The following SPEG variants were observed in gnomAD, a reference collection of about 807,000 sequenced individuals.
The protein encoded by SPEG is striated muscle enriched protein kinase.
Under a neutral mutation model 300.4 loss-of-function variants are expected in SPEG, and 114 were observed. That is an observed-to-expected ratio of 0.38 (90% CI 0.33 to 0.44). SPEG has a LOEUF of 0.44. Ranked by LOEUF, SPEG falls within the 20% of genes least tolerant of loss-of-function variation. SPEG has a pLI of 1.00. For missense variants in SPEG, 4,201 were observed against 4,586.2 expected (o/e 0.92, Z 2.43); for synonymous variants, 1,964 against 2,018.9 (o/e 0.97, Z 0.73).
In SPEG at chr2:219,448,328, G is replaced by A; in HGVS notation, c.1170G>A (p.Ser390=). The change falls in exon 4 of 41, where the codon TCG becomes TCA. Residue 390 remains serine (S), a synonymous_variant. Coordinates refer to ENST00000312358, the MANE Select transcript of SPEG (RefSeq NM_005876.5). ...ASGRLSALGR[S]PRLVRAGSRI... is the part of the protein sequence containing the mutation. ...GCCGCCTGTCGGCGTTGGGCCGATC[G>A]CCTAGGCTGGTGCGCGCCGGCTCCC... 6.2e-7 allele frequency: 1 copy of A among 1,601,272 alleles called. No homozygotes were observed. Among genetic ancestry groups the A allele is most frequent in the Non-Finnish European group, 8.5e-7 (1 of 1,175,106 alleles).
rs751392507 is a variant in SPEG, at chr2:219,488,610, C to T, written c.7971C>T (p.Cys2657=). Residue 2657 remains cysteine (C), a synonymous_variant, in exon 33 of 41, where the codon TGC becomes TGT. Coordinates refer to ENST00000312358, the MANE Select transcript of SPEG (RefSeq NM_005876.5). Reference sequence around the variant, plus strand: ...AGCGGCACGCCGGTCTCTATGAGTGCTCGGCCACCAACGTACTGGGCAGCA... The same window carrying T: ...AGCGGCACGCCGGTCTCTATGAGTGTTCGGCCACCAACGTACTGGGCAGCA... ...AGKRHAGLYE[C]SATNVLGSIT... 3.7e-6 allele frequency: 6 copies of T among 1,611,916 alleles called. No homozygotes were observed. The African/African-American group carries it at 5.3e-5, about 14-fold the overall frequency.
intron 6 of SPEG, chr2:219,460,445 T>C: frequency 1.0e-6 from 1 of 985,426 alleles, no homozygotes; most frequent in Non-Finnish European, 1.2e-6. Context: ...TTGGTGGACG[T>C]GTCAGAACAA....
At position 219,484,108 on chromosome 2, in the gene SPEG, TCCAGAG is replaced by T; in HGVS notation, c.6648_6653del (p.Glu2217_Pro2218del). 1 of 1,612,422 alleles carries T rather than the reference TCCAGAG, an allele frequency of 6.2e-7. No individual in the cohort carries two copies. The stretch of plus-strand genomic sequence containing the variant: ...CACCCCAGCCTGCCCAAGACAAGGC[TCCAGAG>T]CCCAGGCCAGAACCAGTCCGAGCCT... On this transcript the variant is annotated inframe_deletion, in exon 30 of 41. Coordinates refer to ENST00000312358, the MANE Select transcript of SPEG (RefSeq NM_005876.5).
At chr2:219,461,123 C>A in intron 6 of SPEG, 1 of 899,750 alleles carries the variant, frequency 1.1e-6, no homozygotes, top group South Asian at 5.1e-5. Flanking sequence ...AGACTGGGAC[C>A]CTGGCCAGTT....
At chr2:219,478,363 T>G (rs56869888) in intron 22 of SPEG, among the ~76,000 whole-genome samples, 2 of 152,292 alleles carry the variant, frequency 1.3e-5, no homozygotes, top group East Asian at 3.9e-4. Flanking sequence ...TATATTCCTA[T>G]CTCCTGGAAT....
Position 219,435,054 on chromosome 2 carries a change from G to T in SPEG, c.77G>T (p.Arg26Met). ...APPSPGVPPK[R>M]AKVGAGGGAP... ...CCCAGCCCCGGAGTGCCCCCGAAAA[G>T]GGCCAAGGTGGGGGCCGGCGGCGGG... The change falls in exon 1 of 41, where the codon AGG becomes ATG. Residue 26 changes from arginine to methionine, a missense_variant. Coordinates refer to ENST00000312358, the MANE Select transcript of SPEG (RefSeq NM_005876.5). 1 of 1,482,960 alleles carries T rather than the reference G, an allele frequency of 6.7e-7. No individual in the cohort carries two copies. Among genetic ancestry groups the T allele is most frequent in the Non-Finnish European group, 8.9e-7 (1 of 1,125,874 alleles). 91.9% of individuals were successfully genotyped at this position (1,482,960 alleles called of 1,614,324 possible).
intron 6 of SPEG, chr2:219,460,882 C>T: frequency 2.0e-6 from 2 of 986,166 alleles, no homozygotes; most frequent in Non-Finnish European, 2.4e-6. Flanking sequence ...GGCTGGGCTC[C>T]TGCTCCCTGG....
At position 219,434,931 on chromosome 2, in the gene SPEG, C is replaced by G; in HGVS notation, c.-47C>G. Reference sequence around the variant, plus strand: ...TAGGGCACCGTCCCGCGGGTGCCCCCGTGGCCGCCCAGTTCCGGCGTCCCC... The same window carrying G: ...TAGGGCACCGTCCCGCGGGTGCCCCGGTGGCCGCCCAGTTCCGGCGTCCCC... On this transcript the variant is annotated 5_prime_UTR_variant, in exon 1 of 41. Transcript: ENST00000312358. The G allele has an allele frequency of 7.0e-7, 1 of 1,431,250 alleles. No individual in the cohort carries two copies. Among genetic ancestry groups the G allele is most frequent in the Non-Finnish European group, 9.1e-7 (1 of 1,095,514 alleles). 88.7% of individuals were successfully genotyped at this position (1,431,250 alleles called of 1,614,324 possible).
rs375248712 is a variant in SPEG at position 219,492,745 on chromosome 2, C to A, written c.9763C>A (p.Arg3255Ser). ...QRRRRAEAAT[R>S]HKVLLRSYPG... Reference sequence around the variant, plus strand: ...GCGGCGCCGGGCTGAGGCTGCCACCCGCCACAAGGTGCTGCTGCGCTCCTA... The same window carrying A: ...GCGGCGCCGGGCTGAGGCTGCCACCAGCCACAAGGTGCTGCTGCGCTCCTA... The change falls in exon 41 of 41, where the codon CGC becomes AGC. Residue 3255 changes from arginine (R) to serine (S), a missense_variant. Physicochemically the swap from Arg to Ser is moderately radical, Grantham distance 110. Transcript: ENST00000312358. 2 of 1,600,444 alleles carry A rather than the reference C, an allele frequency of 1.2e-6. No individual in the cohort carries two copies.
At position 219,462,027 on chromosome 2, in the gene SPEG, C is replaced by A. The variant is rs1438383416; in HGVS notation, c.2586C>A (p.Asp862Glu). 6.2e-7 allele frequency: 1 copy of A among 1,610,818 alleles called. No individual in the cohort carries two copies. The highest frequency in any genetic ancestry group is 8.5e-7 in the Non-Finnish European group (1 of 1,178,968). Reference sequence around the variant, plus strand: ...CCAGCCAGAACCGCCGTTCTTCTGACACTGGCTCCAAGGCACCCCCCACCT... The same window carrying A: ...CCAGCCAGAACCGCCGTTCTTCTGAAACTGGCTCCAAGGCACCCCCCACCT... The part of the protein sequence containing the change: ...PSPSQNRRSS[D>E]TGSKAPPTFK... Residue 862 changes from aspartate to glutamate, a missense_variant, in exon 7 of 41, where the codon GAC (aspartate) becomes GAA (glutamate). Physicochemically the swap from Asp to Glu is conservative, Grantham distance 45. Coordinates refer to ENST00000312358, the MANE Select transcript of SPEG (RefSeq NM_005876.5).
Position 219,484,685 on chromosome 2 carries a change from C to A in SPEG, c.7222C>A (p.Arg2408Ser), listed in dbSNP as rs1165910176. ...RAVGEPGLVR[R>S]LSLSLSQRLR... is the part of the protein sequence containing the mutation. ...TGTCGGAGAGCCTGGCCTCGTCCGC[C>A]GCCTCTCGCTGTCACTGTCCCAGCG... Residue 2408 changes from arginine (R) to serine (S), a missense_variant, in exon 30 of 41, where the codon CGC (arginine) becomes AGC (serine). By Grantham distance (110) the Arg-to-Ser change is moderately radical (BLOSUM62 -1). Coordinates refer to ENST00000312358, the MANE Select transcript of SPEG (RefSeq NM_005876.5). The A allele has an allele frequency of 6.6e-7, 1 of 1,518,572 alleles. No individual in the cohort carries two copies. Among genetic ancestry groups the A allele is most frequent in the Non-Finnish European group, 8.8e-7 (1 of 1,141,504 alleles). 94.1% of individuals were successfully genotyped at this position (1,518,572 alleles called of 1,614,324 possible). A position where few individuals can be genotyped will look rare whatever the true frequency, so the allele number is the denominator to read the frequency against.
intron 38 of SPEG, among the ~76,000 whole-genome samples, chr2:219,491,296 G>A (rs1365769314): frequency 6.6e-6 from 1 of 152,182 alleles, no homozygotes; most frequent in Non-Finnish European, 1.5e-5. Flanking sequence ...CGAGCACCCT[G>A]CTAAATGCTT....
In SPEG at chr2:219,492,624, C is replaced by CAGGA; in HGVS notation, c.9642_9643insAGGA (p.His3215ArgfsTer38). The CAGGA allele has an allele frequency of 6.2e-7, 1 of 1,610,946 alleles. No homozygotes were observed. The highest frequency in any genetic ancestry group is 8.5e-7 in the Non-Finnish European group (1 of 1,180,012). ...GGCCCTCCCTGCAGGACTGCCTGGC[C>CAGGA]CACCCATGGTTGCAGGACGCCTACC... On this transcript the variant is annotated frameshift_variant, in exon 41 of 41. Coordinates refer to ENST00000312358, the MANE Select transcript of SPEG (RefSeq NM_005876.5). LOFTEE classifies it high-confidence loss of function.
chr2:219,468,748 G>C lies in SPEG; in HGVS notation c.3301+12G>C. 6.2e-7 allele frequency: 1 copy of C among 1,613,408 alleles called. No individual in the cohort carries two copies. The highest frequency in any genetic ancestry group is 1.1e-5 in the South Asian group (1 of 91,058). On this transcript the variant is annotated intron_variant, in intron 11 of 40. Transcript: ENST00000312358. ...CTGGACTCATTTTGGTACGGCCCCT[G>C]TGCTGCAGGTGTTGAGGGCCCCCCC...
At position 219,492,495 on chromosome 2, in the gene SPEG, G is replaced by A; in HGVS notation, c.9612-99G>A. The A allele has an allele frequency of 3.0e-6, 4 of 1,319,234 alleles. No individual in the cohort carries two copies. In the South Asian group the frequency reaches 5.1e-5, roughly 17 times the overall value. 81.7% of individuals were successfully genotyped at this position (1,319,234 alleles called of 1,614,324 possible). On this transcript the variant is annotated intron_variant, in intron 40 of 40. Transcript: ENST00000312358. The stretch of plus-strand genomic sequence containing the variant: ...GCTGCCCAAGATCACACATGTAGGG[G>A]TGGGATCCAGGACTGGGACATGGGT...
intron 3 of SPEG, among the ~76,000 whole-genome samples, chr2:219,446,781 A>G (rs1020163942): frequency 2.0e-5 from 3 of 152,100 alleles, no homozygotes; most frequent in African/African-American, 7.2e-5. Flanking sequence ...AATCTTTTTT[A>G]TGCCTCAGTT....
chr2:219,448,677 C>T lies in SPEG; in HGVS notation c.1519C>T (p.Arg507Trp). The T allele has an allele frequency of 6.7e-7, 1 of 1,492,890 alleles. No homozygotes were observed. The highest frequency in any genetic ancestry group is 2.2e-5 in the Admixed American group (1 of 45,650). 92.5% of individuals were successfully genotyped at this position (1,492,890 alleles called of 1,614,324 possible). The change falls in exon 4 of 41, where the codon CGG becomes TGG. Residue 507 changes from arginine to tryptophan, a missense_variant. By Grantham distance (101) the Arg-to-Trp change is moderately radical. This residue lies in a region of SPEG where 1,258 missense variants were observed against 1,293.9 expected (regional missense o/e 0.97). Coordinates refer to ENST00000312358, the MANE Select transcript of SPEG (RefSeq NM_005876.5). ...GGGCCGCATCCGCCGCTCCACGTCG[C>T]GGGAGGAGCTGGTGCGCTCGCACGA... is the stretch of plus-strand genomic sequence containing the variant. Reference protein sequence around the residue: ...ELGRIRRSTSREELVRSHESL... With the variant: ...ELGRIRRSTSWEELVRSHESL...
intron 9 of SPEG, chr2:219,465,959 GTGTGCA>G: frequency 2.9e-6 from 3 of 1,019,064 alleles, no homozygotes; most frequent in Non-Finnish European, 4.5e-6. Flanking sequence ...GCATGTGTGC[GTGTGCA>G]TGCGTGTGTG....
chr2:219,483,314 A>G lies in SPEG; in HGVS notation c.5851A>G (p.Thr1951Ala). The change falls in exon 30 of 41, where the codon ACA (threonine) becomes GCA (alanine). Residue 1951 changes from threonine to alanine, a missense_variant. This residue lies in a region of SPEG where 1,578 missense variants were observed against 1,506.0 expected (regional missense o/e 1.05). Coordinates refer to ENST00000312358, the MANE Select transcript of SPEG (RefSeq NM_005876.5). ...GTTCTCTGGCTCCCGGGTGTCCCTC[A>G]CAGACATTCCCACTGAGGATGAGGC... ...PEFSGSRVSL[T>A]DIPTEDEALG... The G allele has an allele frequency of 1.9e-6, 3 of 1,606,636 alleles. No individual in the cohort carries two copies. The South Asian group carries it at 3.3e-5, about 18-fold the overall frequency.
Sources: allele counts gnomAD v4.1 joint callset (sites outside exome capture counted in the v4.1 genomes callset), GRCh38; gene constraint gnomAD v4.1.1; regional missense constraint gnomAD v4.1.1; transcripts MANE v1.5; gene names NCBI Gene and HGNC (gene_info 2026-07-23, HGNC 2026-07-21).